The following CRYBG3 variants were observed in gnomAD, a reference collection of about 807,000 sequenced individuals.
CRYBG3 encodes very large A-kinase anchor protein.
CRYBG3 carries 127 observed loss-of-function variants against 244.2 expected under a neutral mutation model. The observed-to-expected ratio is 0.52, with a 90% confidence interval of 0.45 to 0.60. The LOEUF is 0.60. Among genes scored for constraint, CRYBG3 ranks in the 20% least tolerant of loss-of-function variants. CRYBG3 has a pLI of 0.00. For synonymous variants in CRYBG3, 1,132 were observed against 1,195.8 expected (o/e 0.95, Z 1.10); for missense variants, 3,325 against 3,442.5 (o/e 0.97, Z 0.85).
At chr3:97,832,423 C>T (rs2038666940) in intron 1 of CRYBG3, among the ~76,000 whole-genome samples, 1 of 152,088 alleles carries the variant, frequency 6.6e-6, no homozygotes, top group Admixed American at 6.5e-5. Context: ...CACACATCTA[C>T]AACCATCTGA....
chr3:97,883,296 C>T (rs926302612), intron 7 of CRYBG3, among the ~76,000 whole-genome samples: 2 of 152,122 alleles, frequency 1.3e-5, no homozygotes, highest in Non-Finnish European at 2.9e-5. Context: ...TGCAGATAAC[C>T]ATTTGAGTGC....
Position 97,875,633 on chromosome 3 carries a change from C to T in CRYBG3, c.4439C>T (p.Pro1480Leu). Reference sequence around the variant, plus strand: ...CTTGTATTAAATTTCAAATGGCCTCCACTTGTGAATGATGACATCCATGCA... The same window carrying T: ...CTTGTATTAAATTTCAAATGGCCTCTACTTGTGAATGATGACATCCATGCA... The part of the protein sequence containing the change: ...RTLVLNFKWP[P>L]LVNDDIHAPG... Residue 1480 changes from proline to leucine, a missense_variant, in exon 4 of 22, where the codon CCA (proline) becomes CTA (leucine). This residue lies in a region of CRYBG3 where 635 missense variants were observed against 771.7 expected (regional missense o/e 0.82). Transcript: ENST00000389622. 1 of 1,235,050 alleles carries T rather than the reference C, an allele frequency of 8.1e-7. No individual in the cohort carries two copies. The highest frequency in any genetic ancestry group is 1.0e-6 in the Non-Finnish European group (1 of 990,220). 76.5% of individuals were successfully genotyped at this position (1,235,050 alleles called of 1,614,324 possible). A position where few individuals can be genotyped will look rare whatever the true frequency, so the allele number is the denominator to read the frequency against.
In CRYBG3 at chr3:97,874,694, C is replaced by T. The variant is rs1239994524; in HGVS notation, c.3500C>T (p.Ser1167Leu). 1 of 1,535,608 alleles carries T rather than the reference C, an allele frequency of 6.5e-7. No individual in the cohort carries two copies. Among genetic ancestry groups the T allele is most frequent in the Admixed American group, 2.0e-5 (1 of 50,944 alleles). The stretch of plus-strand genomic sequence containing the variant: ...GGGCCTGCAGCGTCAGTTAACAGCT[C>T]AGGCCAACAGTGTTCTGAAGCCTCT... ...VAGPAASVNS[S>L]GQQCSEASAE... Residue 1167 changes from serine (S) to leucine (L), a missense_variant, in exon 4 of 22, where the codon TCA becomes TTA. Ser to Leu is a moderately radical substitution (Grantham distance 145, BLOSUM62 -2). Transcript: ENST00000389622.
intron 2 of CRYBG3, among the ~76,000 whole-genome samples, chr3:97,844,967 T>A (rs9810858): frequency 0.44 from 67,060 of 152,010 alleles, 16,082 homozygotes; most frequent in East Asian, 0.67. Context: ...ATAGAAAGGA[T>A]ACCGTGGCAC....
In CRYBG3 at chr3:97,874,585, A is replaced by G. The variant is rs1298129380; in HGVS notation, c.3391A>G (p.Ile1131Val). The change falls in exon 4 of 22, where the codon ATT (isoleucine) becomes GTT (valine). Residue 1131 changes from isoleucine to valine, a missense_variant. By Grantham distance (29) the Ile-to-Val change is conservative. Transcript: ENST00000389622. ...AACCCCATTTCAGGAACATTTTGGG[A>G]TTTATACTGGGAAGATATCCATTGA... Reference protein sequence around the residue: ...EVTPFQEHFGIYTGKISIDFP... With the variant: ...EVTPFQEHFGVYTGKISIDFP... The G allele has an allele frequency of 2.0e-6, 3 of 1,535,914 alleles. No individual in the cohort carries two copies. The highest frequency in any genetic ancestry group is 2.6e-6 in the Non-Finnish European group (3 of 1,146,846).
At chr3:97,852,945 T>G (rs1278814856) in intron 2 of CRYBG3, among the ~76,000 whole-genome samples, 3 of 152,214 alleles carry the variant, frequency 2.0e-5, no homozygotes, top group African/African-American at 7.2e-5. Flanking sequence ...GCATTTTTCA[T>G]GTACTTGTTG....
chr3:97,868,824 G>C (rs1576533221), intron 3 of CRYBG3, among the ~76,000 whole-genome samples: 3 of 152,126 alleles, frequency 2.0e-5, no homozygotes, highest in East Asian at 1.9e-4. Flanking sequence ...TTAAGAGAGA[G>C]TTGGCAGTAA....
Position 97,876,914 on chromosome 3 carries a change from CAAAG to C in CRYBG3, c.5721_5724del (p.Glu1909SerfsTer5). 6.9e-7 allele frequency: 1 copy of C among 1,452,554 alleles called. No individual in the cohort carries two copies. The highest frequency in any genetic ancestry group is 2.9e-5 in the Admixed American group (1 of 35,064). 90.0% of individuals were successfully genotyped at this position (1,452,554 alleles called of 1,614,324 possible). On this transcript the variant is annotated frameshift_variant, in exon 4 of 22. Coordinates refer to ENST00000389622, the MANE Select transcript of CRYBG3 (RefSeq NM_153605.4). LOFTEE classifies it high-confidence loss of function. ...TATGCTGAAGGGAGTGTTGAAGAAA[CAAAG>C]GAAGAGCCTACAGAAATAAAGGAAG...
intron 12 of CRYBG3, among the ~76,000 whole-genome samples, chr3:97,896,518 G>A (rs1012874886): frequency 5.9e-5 from 9 of 152,142 alleles, no homozygotes; most frequent in African/African-American, 2.2e-4. Flanking sequence ...GATGACAGCT[G>A]GCTGAAATTT....
chr3:97,872,792 G>T lies in CRYBG3; in HGVS notation c.1598G>T (p.Ser533Ile). The T allele has an allele frequency of 6.5e-7, 1 of 1,535,952 alleles. No individual in the cohort carries two copies. Among genetic ancestry groups the T allele is most frequent in the South Asian group, 1.2e-5 (1 of 84,054 alleles). ...AVREIRRETESASAGESIASS... is the reference protein window; with the variant it reads ...AVREIRRETEIASAGESIASS... ...AGAGAAATCAGGCGAGAAACAGAAA[G>T]TGCCTCAGCTGGTGAATCCATAGCT... Residue 533 changes from serine to isoleucine, a missense_variant, in exon 4 of 22, where the codon AGT becomes ATT. Physicochemically the swap from Ser to Ile is moderately radical, Grantham distance 142. This residue lies in a region of CRYBG3 where 1,526 missense variants were observed against 1,443.2 expected (regional missense o/e 1.06). Transcript: ENST00000389622.
intron 17 of CRYBG3, among the ~76,000 whole-genome samples, chr3:97,932,339 C>A (rs190772017): frequency 6.6e-6 from 1 of 152,124 alleles, no homozygotes; most frequent in Admixed American, 6.6e-5. Flanking sequence ...TTTTTTACAG[C>A]TGTATATGAT....
At chr3:97,914,270 C>G (rs1025431562) in intron 16 of CRYBG3, among the ~76,000 whole-genome samples, 1 of 152,226 alleles carries the variant, frequency 6.6e-6, no homozygotes, top group South Asian at 2.1e-4. Flanking sequence ...GAAATACACA[C>G]ACACACAGCA....
chr3:97,868,258 T>C (rs2039259763), intron 3 of CRYBG3, among the ~76,000 whole-genome samples: 1 of 140,786 alleles, frequency 7.1e-6, no homozygotes, highest in Non-Finnish European at 1.5e-5. Flanking sequence ...CAGTCCGACC[T>C]GGGCGAAAGA....
chr3:97,910,840 G>A (rs1289208620), intron 15 of CRYBG3, among the ~76,000 whole-genome samples: 1 of 152,208 alleles, frequency 6.6e-6, no homozygotes, highest in East Asian at 1.9e-4. Flanking sequence ...GAGGTTAAAA[G>A]TGATTTGCTT....
In CRYBG3 at chr3:97,899,249, C is replaced by T. The variant is rs752753290; in HGVS notation, c.7957C>T (p.Arg2653Trp). ...ATCAAATAATATAATCATGTCGATA[C>T]GGCCAATCCAACTGGTGAGTGAAGT... ...GGSNNIIMSIRPIQLEPLGIN... is the reference protein window; with the variant it reads ...GGSNNIIMSIWPIQLEPLGIN... The change falls in exon 14 of 22, where the codon CGG becomes TGG. Residue 2653 changes from arginine (R) to tryptophan (W), a missense_variant. Arg to Trp is a moderately radical substitution (Grantham distance 101). Around this residue, in one of 4 missense-constraint regions of CRYBG3, gnomAD observed 714 missense variants for 803.6 expected, o/e 0.89. Coordinates refer to ENST00000389622, the MANE Select transcript of CRYBG3 (RefSeq NM_153605.4). 1.5e-5 allele frequency: 24 copies of T among 1,612,082 alleles called. No individual in the cohort carries two copies. Among genetic ancestry groups the T allele is most frequent in the South Asian group, 3.3e-5 (3 of 90,484 alleles).
chr3:97,877,420 A>G lies in CRYBG3; in HGVS notation c.6226A>G (p.Lys2076Glu). Reference protein sequence around the residue: ...SSEMFLSVEAKRYKIYPLALS... With the variant: ...SSEMFLSVEAERYKIYPLALS... ...AGAAATGTTCTTATCAGTGGAGGCC[A>G]AAAGGTACAAAATTTATCCTTTAGC... The change falls in exon 4 of 22, where the codon AAA becomes GAA. Residue 2076 changes from lysine (K) to glutamate (E), a missense_variant. This residue lies in a region of CRYBG3 where 450 missense variants were observed against 424.1 expected (regional missense o/e 1.06). Coordinates refer to ENST00000389622, the MANE Select transcript of CRYBG3 (RefSeq NM_153605.4). The G allele has an allele frequency of 6.2e-7, 1 of 1,614,148 alleles. No individual in the cohort carries two copies. The highest frequency in any genetic ancestry group is 8.5e-7 in the Non-Finnish European group (1 of 1,180,018).
intron 15 of CRYBG3, among the ~76,000 whole-genome samples, chr3:97,900,765 G>A (rs984551485): frequency 2.6e-5 from 4 of 152,040 alleles, no homozygotes; most frequent in East Asian, 1.9e-4. Flanking sequence ...CTTTCCCATC[G>A]TCCATTATTT....
At chr3:97,881,624 A>G (rs1038237172) in intron 7 of CRYBG3, among the ~76,000 whole-genome samples, 2 of 151,770 alleles carry the variant, frequency 1.3e-5, no homozygotes, top group African/African-American at 2.4e-5. Context: ...GCTGAGGCAC[A>G]AGAATCACTT....
At position 97,848,536 on chromosome 3, in the gene CRYBG3, C is replaced by T. The variant is rs577644865; in HGVS notation, c.216+5275C>T. ...CAGGATGGTCTCGATCTTCTGTCCTCGTGATCCGCCTGCCTCAGCCTCCCA... is the reference window on the plus strand; with the variant it reads ...CAGGATGGTCTCGATCTTCTGTCCTTGTGATCCGCCTGCCTCAGCCTCCCA... On this transcript the variant is annotated intron_variant, in intron 2 of 21. Transcript: ENST00000389622. Among the ~76,000 whole-genome samples, 178 of 152,216 alleles carry T rather than the reference C, an allele frequency of 1.2e-3. 1 individual carries two copies. Among genetic ancestry groups the T allele is most frequent in the African/African-American group, 4.0e-3 (165 of 41,526 alleles).
Sources: allele counts gnomAD v4.1 joint callset (sites outside exome capture counted in the v4.1 genomes callset), GRCh38; gene constraint gnomAD v4.1.1; regional missense constraint gnomAD v4.1.1; transcripts MANE v1.5; gene names NCBI Gene and HGNC (gene_info 2026-07-23, HGNC 2026-07-21).